The following RAB3B variants were observed in gnomAD, a reference collection of about 807,000 sequenced individuals.
RAB3B encodes the protein RAB3B, member RAS oncogene family.
A neutral mutation model predicts 20.5 loss-of-function variants in RAB3B; 11 were observed. The ratio of observed to expected loss-of-function variants is 0.54; its 90% CI spans 0.34 to 0.89. RAB3B has a LOEUF of 0.89. Ranked by LOEUF, RAB3B falls within the 40% of genes least tolerant of loss-of-function variation. The pLI, the probability that RAB3B is intolerant of heterozygous loss-of-function variation, is 0.02. For synonymous variants in RAB3B, 99 were observed against 106.3 expected, an observed-to-expected ratio of 0.93 and a Z score of 0.42; for missense variants, 225 against 280.9, an observed-to-expected ratio of 0.80 and a Z score of 1.42.
chr1:51,977,157 G>A (rs746784210), intron 1 of RAB3B, 40 bp from the exon 2 acceptor site: 12 of 1,519,490 alleles, frequency 7.9e-6, no homozygotes, highest in African/African-American at 6.9e-5. Flanking sequence ...ACAGACCTTC[G>A]GTGTCACCCT....
At chr1:51,933,292 T>G in intron 4 of RAB3B, 26 bp downstream of exon 4, 2 of 1,611,558 alleles carry the variant, frequency 1.2e-6, no homozygotes, top group Non-Finnish European at 1.7e-6. Context: ...AATGCACACA[T>G]GCACATACAT....
At chr1:51,964,725 C>T (rs1684824918) in intron 2 of RAB3B, among the ~76,000 whole-genome samples, 1 of 152,176 alleles carries the variant, frequency 6.6e-6, no homozygotes, top group Admixed American at 6.5e-5. Context: ...TCTCTCTCCA[C>T]ATCTAATTCA....
intron 2 of RAB3B, among the ~76,000 whole-genome samples, chr1:51,949,003 T>C (rs1684599625): frequency 6.6e-6 from 1 of 152,232 alleles, no homozygotes; most frequent in Non-Finnish European, 1.5e-5. Flanking sequence ...GATGGTCCTT[T>C]GGAAAAATCC....
At chr1:51,977,217 T>C (rs1241356573) in intron 1 of RAB3B, 100 bp from the exon 2 acceptor site, 14 of 830,800 alleles carry the variant, frequency 1.7e-5, no homozygotes, top group Non-Finnish European at 2.6e-5. Flanking sequence ...ACTCACTCCT[T>C]ACTCCAGCAC....
chr1:51,987,902 G>A (rs1685171914), intron 1 of RAB3B, among the ~76,000 whole-genome samples: 1 of 151,940 alleles, frequency 6.6e-6, no homozygotes, highest in African/African-American at 2.4e-5. Context: ...TTTAAGAGAT[G>A]GGTGTCACTC....
chr1:51,932,832 T>C (rs1207027782), intron 4 of RAB3B, among the ~76,000 whole-genome samples: 1 of 152,186 alleles, frequency 6.6e-6, no homozygotes, highest in Non-Finnish European at 1.5e-5. Context: ...TATGTTTCCC[T>C]CTTGGCAAAG....
intron 2 of RAB3B, among the ~76,000 whole-genome samples, chr1:51,970,933 C>T (rs1425927051): frequency 6.6e-6 from 1 of 150,428 alleles, no homozygotes; most frequent in African/African-American, 2.5e-5. Context: ...ATGGCGTGAA[C>T]CCAGGAGGCA....
intron 2 of RAB3B, among the ~76,000 whole-genome samples, chr1:51,965,814 A>T (rs186790887): frequency 2.0e-5 from 3 of 152,314 alleles, no homozygotes; most frequent in East Asian, 3.9e-4. Context: ...ATCGTATTGT[A>T]CCAATGTCAA....
intron 2 of RAB3B, among the ~76,000 whole-genome samples, chr1:51,964,022 T>G (rs1684815766): frequency 6.6e-6 from 1 of 152,172 alleles, no homozygotes; most frequent in South Asian, 2.1e-4. Flanking sequence ...CCTCTTCTGA[T>G]TCACTTCCCC....
chr1:51,958,724 CA>C (rs11379171), intron 2 of RAB3B, among the ~76,000 whole-genome samples: 121 of 121,726 alleles, frequency 9.9e-4, no homozygotes, highest in Non-Finnish European at 9.4e-4. Context: ...AACTCAGTCT[CA>C]AAAAAAAAAA....
chr1:51,971,222 A>C (rs1434871141), intron 2 of RAB3B, among the ~76,000 whole-genome samples: 2 of 151,762 alleles, frequency 1.3e-5, no homozygotes, highest in Admixed American at 1.3e-4. Flanking sequence ...TGATTTATCA[A>C]AGCTCACAAA....
At chr1:51,960,223 C>T (rs762155554) in intron 2 of RAB3B, among the ~76,000 whole-genome samples, 3 of 152,254 alleles carry the variant, frequency 2.0e-5, no homozygotes, top group African/African-American at 4.8e-5. Flanking sequence ...CCAGGGGATG[C>T]GTTCAAGAGA....
In RAB3B at chr1:51,912,555, ATAT is replaced by A. The variant is rs1277568052; in HGVS notation, c.*7369_*7371del. On this transcript the variant is annotated 3_prime_UTR_variant, in exon 5 of 5. Transcript: ENST00000371655. ...GACCGTCTCTATTAAAAAAAAAAAA[ATAT>A]ATATATATATATATATATATATATA... 1.0e-4 allele frequency: 2 copies of A among 20,052 alleles called. No individual in the cohort carries two copies. The highest frequency in any genetic ancestry group is 3.4e-4 in the African/African-American group (2 of 5,874). The allele number at this position is 20,052 out of a possible 1,614,324, so 1.2% of individuals were successfully genotyped here. A position where few individuals can be genotyped will look rare whatever the true frequency, so the allele number is the denominator to read the frequency against.
chr1:51,955,931 A>G (rs934388939), intron 2 of RAB3B, among the ~76,000 whole-genome samples: 56 of 152,278 alleles, frequency 3.7e-4, no homozygotes, highest in African/African-American at 1.3e-3. Flanking sequence ...CAGGTGGCAG[A>G]GTGTTCTAAA....
intron 2 of RAB3B, among the ~76,000 whole-genome samples, chr1:51,955,170 G>A (rs1684691494): frequency 6.6e-6 from 1 of 152,132 alleles, no homozygotes; most frequent in South Asian, 2.1e-4. Flanking sequence ...GTTCTCTCCC[G>A]TTTTGCAGGG....
chr1:51,977,717 A>T (rs1685028733), intron 1 of RAB3B, among the ~76,000 whole-genome samples: 1 of 152,140 alleles, frequency 6.6e-6, no homozygotes, highest in Admixed American at 6.6e-5. Context: ...TGGGAGGATC[A>T]CTTGAGCCCA....
rs1045357720 is a variant in RAB3B, at chr1:51,977,186, T to G, written c.1-69A>C. 2.0e-5 allele frequency: 24 copies of G among 1,174,836 alleles called. No individual in the cohort carries two copies. The South Asian group carries it at 3.1e-4, about 15-fold the overall frequency. 72.8% of individuals were successfully genotyped at this position (1,174,836 alleles called of 1,614,324 possible). A position where few individuals can be genotyped will look rare whatever the true frequency, so the allele number is the denominator to read the frequency against. On this transcript the variant is annotated intron_variant, in intron 1 of 4. Transcript: ENST00000371655. ...TCACCCTGAGTCACCATCCTTCTAA[T>G]GGTCACCCCACCATTCACACACTCA...
intron 2 of RAB3B, among the ~76,000 whole-genome samples, chr1:51,970,772 G>A (rs1252391033): frequency 2.6e-5 from 4 of 151,744 alleles, no homozygotes; most frequent in African/African-American, 4.8e-5. Flanking sequence ...TTGGGAGGCC[G>A]AGGCGGGCAG....
chr1:51,963,000 T>C (rs756451236), intron 2 of RAB3B, among the ~76,000 whole-genome samples: 1 of 152,174 alleles, frequency 6.6e-6, no homozygotes, highest in African/African-American at 2.4e-5. Flanking sequence ...ATCCCTCTAC[T>C]GGCCAGTGAA....
Sources: gnomAD v4.1 joint callset for allele counts (sites outside exome capture counted in the v4.1 genomes callset) on GRCh38, gnomAD v4.1.1 for gene constraint, MANE v1.5 for transcripts, NCBI Gene and HGNC (gene_info 2026-07-23, HGNC 2026-07-21) for gene names.